Variants in ZNF506 observed in about 807,000 individuals in gnomAD.
ZNF506 encodes the protein zinc finger protein 506.
In ZNF506, 10 loss-of-function variants were observed where a neutral mutation model predicts 11.6. The observed-to-expected ratio is 0.86, with a 90% CI of 0.53 to 1.46. The LOEUF (loss-of-function observed/expected upper bound fraction) is 1.46, where lower values mean the gene tolerates loss of function less well. Ranked by LOEUF, ZNF506 falls within the 40% of genes most tolerant of loss-of-function variation. The pLI is 0.00. For missense variants in ZNF506, 425 were observed against 521.2 expected (o/e 0.82, Z 1.80); for synonymous variants, 156 against 173.3 (o/e 0.90, Z 0.78).
At chr19:19,814,356 C>T (rs1030441535) in intron 1 of ZNF506, among the ~76,000 whole-genome samples, 1 of 150,528 alleles carries the variant, frequency 6.6e-6, no homozygotes, top group Non-Finnish European at 1.5e-5. Context: ...TGCAGTGAGC[C>T]GAGATCACAC....
At chr19:19,821,498 G>A in intron 1 of ZNF506, 103 bp downstream of exon 1, 3 of 1,469,716 alleles carry the variant, frequency 2.0e-6, no homozygotes, top group South Asian at 2.3e-5. Flanking sequence ...GGAGCTGACT[G>A]CCGGGAGGCC....
Position 19,795,110 on chromosome 19 carries a change from A to G in ZNF506, c.777T>C (p.Cys259=). The change falls in exon 4 of 4, where the codon TGT becomes TGC. Residue 259 remains cysteine, a synonymous_variant. Transcript: ENST00000540806. ...GGTTAAAAGCTTTGCCACATTCTCT[A>G]CATCTGTAGGGTTTCTCTCCAGTAT... ...IIHTGEKPYR[C]RECGKAFNHP... The G allele has an allele frequency of 6.2e-7, 1 of 1,613,830 alleles. No homozygotes were observed. The highest frequency in any genetic ancestry group is 8.5e-7 in the Non-Finnish European group (1 of 1,179,906).
At chr19:19,819,039 T>C (rs1437013428) in intron 1 of ZNF506, among the ~76,000 whole-genome samples, 1 of 152,008 alleles carries the variant, frequency 6.6e-6, no homozygotes, top group Non-Finnish European at 1.5e-5. Context: ...AGTGAACAAA[T>C]CTTTTCAAGG....
rs546490529 is a variant in ZNF506, at chr19:19,819,329, G to T, written c.3+2272C>A. 2.8e-4 allele frequency among the ~76,000 whole-genome samples: 42 copies of T among 151,880 alleles called. No homozygotes were observed. In the South Asian group the frequency reaches 7.1e-3, roughly 26 times the overall value. On this transcript the variant is annotated intron_variant, in intron 1 of 3. Transcript: ENST00000540806. Reference sequence around the variant, plus strand: ...AGCAATGTGTCTCCAAGAAATGGAAGCTAGGTTGGGTGAAGAAAATCTTCA... The same window carrying T: ...AGCAATGTGTCTCCAAGAAATGGAATCTAGGTTGGGTGAAGAAAATCTTCA...
In ZNF506 at chr19:19,820,028, CG is replaced by C. The variant is rs553086663; in HGVS notation, c.3+1572del. Among the ~76,000 whole-genome samples, 10 of 151,120 alleles carry C rather than the reference CG, an allele frequency of 6.6e-5. No individual in the cohort carries two copies. In the South Asian group the frequency reaches 2.1e-3, roughly 32 times the overall value. ...AGGAGAATCGCTTGAATCCAAGAGG[CG>C]GACGTTGCAGTGAGGTGAGATCGCC... On this transcript the variant is annotated intron_variant, in intron 1 of 3. Coordinates refer to ENST00000540806, the MANE Select transcript of ZNF506 (RefSeq NM_001099269.3).
In ZNF506 at chr19:19,794,997, G is replaced by A. The variant is rs746971651; in HGVS notation, c.890C>T (p.Ser297Phe). ...CDKCGKAFIS[S>F]STLTKHEIIH... ...TATCTCATGTTTAGTAAGGGTTGAGGATGAAATAAAGGCTTTGCCACATTT... is the reference window on the plus strand; with the variant it reads ...TATCTCATGTTTAGTAAGGGTTGAGAATGAAATAAAGGCTTTGCCACATTT... Residue 297 changes from serine (S) to phenylalanine (F), a missense_variant, in exon 4 of 4, where the codon TCC becomes TTC. This residue lies in a region of ZNF506 where 192 missense variants were observed against 215.7 expected (regional missense o/e 0.89). Transcript: ENST00000540806. 3.1e-6 allele frequency: 5 copies of A among 1,613,578 alleles called. No homozygotes were observed. The highest frequency in any genetic ancestry group is 2.2e-5 in the East Asian group (1 of 44,858).
intron 1 of ZNF506, among the ~76,000 whole-genome samples, chr19:19,813,215 T>C (rs975520368): frequency 6.6e-5 from 10 of 152,292 alleles, no homozygotes; most frequent in African/African-American, 2.4e-4. Context: ...ATTATCCCTA[T>C]TGAATAAAGT....
At position 19,795,171 on chromosome 19, in the gene ZNF506, T is replaced by C; in HGVS notation, c.716A>G (p.Lys239Arg). The C allele has an allele frequency of 1.2e-6, 2 of 1,612,966 alleles. No homozygotes were observed. The highest frequency in any genetic ancestry group is 8.5e-7 in the Non-Finnish European group (1 of 1,179,710). Residue 239 changes from lysine (K) to arginine (R), a missense_variant, in exon 4 of 4, where the codon AAG becomes AGG. Lys to Arg is a conservative substitution (Grantham distance 26). Around this residue, in one of 3 missense-constraint regions of ZNF506, gnomAD observed 226 missense variants for 279.1 expected, o/e 0.81. Transcript: ENST00000540806. ...ATGTGTAGTAAGGTTACAGGACTGC[T>C]TATAGGCTTTGCCACATTCTTCACA... ...YKCEECGKAYKQSCNLTTHKI... is the reference protein window; with the variant it reads ...YKCEECGKAYRQSCNLTTHKI...
In ZNF506 at chr19:19,808,487, C is replaced by G. The variant is rs150195902; in HGVS notation, c.4-1419G>C. ...ATATGCTAATGCTCACAGAAGAACACAGCATCACTGTTGAAATACTCCCCC... is the reference window on the plus strand; with the variant it reads ...ATATGCTAATGCTCACAGAAGAACAGAGCATCACTGTTGAAATACTCCCCC... On this transcript the variant is annotated intron_variant, in intron 1 of 3. Coordinates refer to ENST00000540806, the MANE Select transcript of ZNF506 (RefSeq NM_001099269.3). Among the ~76,000 whole-genome samples, 73 of 151,854 alleles carry G rather than the reference C, an allele frequency of 4.8e-4. No individual in the cohort carries two copies. In the East Asian group the frequency reaches 0.014, roughly 29 times the overall value.
At chr19:19,820,268 C>CA (rs1322133915) in intron 1 of ZNF506, 2 of 152,062 alleles carry the variant, frequency 1.3e-5, no homozygotes, top group Admixed American at 6.6e-5. Context: ...GGAAAAAAAA[C>CA]AAAACTCAAG....
chr19:19,812,227 A>G (rs1459373346), intron 1 of ZNF506, among the ~76,000 whole-genome samples: 1 of 152,236 alleles, frequency 6.6e-6, no homozygotes, highest in Non-Finnish European at 1.5e-5. Flanking sequence ...GCCTGACACA[A>G]TTCTGCATGG....
At position 19,795,025 on chromosome 19, in the gene ZNF506, C is replaced by A; in HGVS notation, c.862G>T (p.Asp288Tyr). Residue 288 changes from aspartate to tyrosine, a missense_variant, in exon 4 of 4, where the codon GAT (aspartate) becomes TAT (tyrosine). Asp to Tyr is a radical substitution (Grantham distance 160). Coordinates refer to ENST00000540806, the MANE Select transcript of ZNF506 (RefSeq NM_001099269.3). ...IHTGEKPYKC[D>Y]KCGKAFISSS... ...GAAATAAAGGCTTTGCCACATTTATCACACTTGTATGGTTTCTCTCCAGTA... is the reference window on the plus strand; with the variant it reads ...GAAATAAAGGCTTTGCCACATTTATAACACTTGTATGGTTTCTCTCCAGTA... The A allele has an allele frequency of 6.2e-7, 1 of 1,607,786 alleles. No individual in the cohort carries two copies. Among genetic ancestry groups the A allele is most frequent in the Non-Finnish European group, 8.5e-7 (1 of 1,177,352 alleles).
rs767792792 is a variant in ZNF506 at position 19,816,309 on chromosome 19, G to A, written c.3+5292C>T. Among the ~76,000 whole-genome samples the A allele has an allele frequency of 5.0e-4, 75 of 151,216 alleles. 1 individual carries two copies. The highest frequency in any genetic ancestry group is 2.2e-4 in the Non-Finnish European group (15 of 67,854). On this transcript the variant is annotated intron_variant, in intron 1 of 3. Transcript: ENST00000540806. ...AGCCATTCTCCTCCCTCAGCTTCCC[G>A]AGTCGCTGGGATTACAGGTGCCCAC...
chr19:19,796,470 C>G (rs949421978), intron 3 of ZNF506: 1 of 152,030 alleles, frequency 6.6e-6, no homozygotes, highest in Non-Finnish European at 1.5e-5. Flanking sequence ...GTGGCGCAAT[C>G]TCGGCTCACT....
chr19:19,800,392 AT>A (rs2145179117), intron 3 of ZNF506, among the ~76,000 whole-genome samples: 4 of 3,226 alleles, frequency 1.2e-3, no homozygotes, highest in African/African-American at 3.2e-3. Flanking sequence ...ACTAAACAGA[AT>A]ATATATATAT....
At chr19:19,802,465 A>T (rs1396699994) in intron 3 of ZNF506, among the ~76,000 whole-genome samples, 1 of 152,002 alleles carries the variant, frequency 6.6e-6, no homozygotes, top group African/African-American at 2.4e-5. Context: ...AGAAGAAAAG[A>T]ATAGACATAT....
In ZNF506 at chr19:19,810,131, GT is replaced by G. The variant is rs776104125; in HGVS notation, c.4-3064del. On this transcript the variant is annotated intron_variant, in intron 1 of 3. Coordinates refer to ENST00000540806, the MANE Select transcript of ZNF506 (RefSeq NM_001099269.3). ...AGGTTTGAAAAGGGTCCATGAATGG[GT>G]GTTTTAAACAAGTTCCCTGTCAATG... Among the ~76,000 whole-genome samples the G allele has an allele frequency of 2.0e-5, 3 of 152,306 alleles. No homozygotes were observed. In the South Asian group the frequency reaches 6.2e-4, roughly 32 times the overall value.
chr19:19,816,810 C>CTTTTTTTT (rs34297481), intron 1 of ZNF506, among the ~76,000 whole-genome samples: 1 of 80,246 alleles, frequency 1.2e-5, no homozygotes, highest in Non-Finnish European at 2.3e-5. Flanking sequence ...AAAATATTTC[C>CTTTTTTTT]TTTTTTTTTT....
rs546243258 is a variant in ZNF506 at position 19,792,731 on chromosome 19, T to G, written c.*1821A>C. Among the ~76,000 whole-genome samples, 1 of 142,728 alleles carries G rather than the reference T, an allele frequency of 7.0e-6. No individual in the cohort carries two copies. Among genetic ancestry groups the G allele is most frequent in the African/African-American group, 2.6e-5 (1 of 37,936 alleles). The allele number at this position is 142,728 out of a possible 152,430, so 93.6% of individuals were successfully genotyped here. On this transcript the variant is annotated 3_prime_UTR_variant, in exon 4 of 4. Transcript: ENST00000540806. ...ACCCCCACTTTTTAAAAATCTTTAT[T>G]AATAAAGTAATTCATTATAATTTTT...
Sources: gnomAD v4.1 joint callset for allele counts (sites outside exome capture counted in the v4.1 genomes callset) on GRCh38, gnomAD v4.1.1 for gene constraint, gnomAD v4.1.1 regional missense constraint, MANE v1.5 for transcripts, NCBI Gene and HGNC (gene_info 2026-07-23, HGNC 2026-07-21) for gene names.